PTPRD: variants seen among roughly 807,000 people sequenced by gnomAD.
The protein encoded by PTPRD is protein tyrosine phosphatase receptor type D, also known as receptor-type tyrosine-protein phosphatase delta.
A neutral mutation model predicts 214.5 loss-of-function variants in PTPRD; 34 were observed. The observed-to-expected ratio is 0.16, with a 90% CI of 0.12 to 0.21. PTPRD has a LOEUF of 0.21. Among genes scored for constraint, PTPRD ranks in the 10% least tolerant of loss-of-function variants. The pLI is 1.00. For missense variants in PTPRD, 2,545 were observed against 2,398.7 expected (o/e 1.06, Z -1.27); for synonymous variants, 1,128 against 845.7 (o/e 1.33, Z -5.79).
chr9:8,853,112 G>C (rs560115355), intron 11 of PTPRD, among the ~76,000 whole-genome samples: 62 of 152,300 alleles, frequency 4.1e-4, no homozygotes, highest in East Asian at 4.1e-3. Context: ...AGGGGGAAAT[G>C]AGAGACACAG....
chr9:9,286,873 A>AATATATATAT (rs34631864), intron 9 of PTPRD, among the ~76,000 whole-genome samples: 15 of 77,088 alleles, frequency 1.9e-4, no homozygotes, highest in South Asian at 4.9e-4. Flanking sequence ...GAAACTACTG[A>AATATATATAT]ATATATATAT....
chr9:9,618,439 C>G (rs1258426481), intron 7 of PTPRD, among the ~76,000 whole-genome samples: 2 of 151,864 alleles, frequency 1.3e-5, no homozygotes, highest in African/African-American at 4.8e-5. Context: ...CAGCAATTGG[C>G]TTTGCCAAAT....
rs560274418 is a variant in PTPRD at position 8,657,488 on chromosome 9, G to A, written c.65-20644C>T. Among the ~76,000 whole-genome samples the A allele has an allele frequency of 1.2e-4, 18 of 152,142 alleles. No homozygotes were observed. In the East Asian group the frequency reaches 3.3e-3, roughly 28 times the overall value. On this transcript the variant is annotated intron_variant, in intron 12 of 45. Transcript: ENST00000381196. ...CCGGCCTGCCCACTTTTTAATAGTG[G>A]TTTTTTCTTCTTGTAAATTTGTTTA...
chr9:8,445,792 C>T (rs1388434910), intron 34 of PTPRD, among the ~76,000 whole-genome samples: 1 of 152,146 alleles, frequency 6.6e-6, no homozygotes. Context: ...AATAGTTTTT[C>T]AGAAGGGGCT....
intron 8 of PTPRD, among the ~76,000 whole-genome samples, chr9:9,432,695 T>C (rs2083671848): frequency 6.6e-6 from 1 of 152,202 alleles, no homozygotes; most frequent in Non-Finnish European, 1.5e-5. Context: ...GATTTCACAA[T>C]GCTAAGCAAT....
intron 2 of PTPRD, among the ~76,000 whole-genome samples, chr9:10,478,147 G>GA (rs34422100): frequency 0.1 from 14,609 of 146,424 alleles, 1,493 homozygotes; most frequent in East Asian, 0.44. Flanking sequence ...AAGTAAAATG[G>GA]AAAAAAAAAA....
At chr9:8,663,627 G>A (rs1489670523) in intron 12 of PTPRD, among the ~76,000 whole-genome samples, 2 of 151,914 alleles carry the variant, frequency 1.3e-5, no homozygotes, top group Non-Finnish European at 2.9e-5. Flanking sequence ...AAGTAGCTGG[G>A]GTTACAGGCA....
intron 27 of PTPRD, among the ~76,000 whole-genome samples, chr9:8,487,859 AC>A (rs2097061947): frequency 6.7e-6 from 1 of 149,974 alleles, no homozygotes; most frequent in Non-Finnish European, 1.5e-5. Context: ...ACATAGCAAG[AC>A]CTTATCTCTA....
chr9:8,776,917 T>A (rs1307974230), intron 11 of PTPRD, among the ~76,000 whole-genome samples: 1 of 80,908 alleles, frequency 1.2e-5, no homozygotes, highest in African/African-American at 5.3e-5. Context: ...ATAATATATG[T>A]ATAATATATA....
chr9:8,619,476 T>G (rs1425344286), intron 14 of PTPRD, among the ~76,000 whole-genome samples: 1 of 151,876 alleles, frequency 6.6e-6, no homozygotes, highest in Non-Finnish European at 1.5e-5. Context: ...CTTATTTCAA[T>G]TACCATAATA....
intron 7 of PTPRD, among the ~76,000 whole-genome samples, chr9:9,687,647 G>T (rs1456488408): frequency 6.6e-6 from 1 of 151,016 alleles, no homozygotes; most frequent in African/African-American, 2.4e-5. Context: ...AAAAAAAAAA[G>T]ATTATGCAAT....
chr9:8,453,870 G>C (rs1280533096), intron 33 of PTPRD, among the ~76,000 whole-genome samples: 1 of 152,084 alleles, frequency 6.6e-6, no homozygotes, highest in Admixed American at 6.5e-5. Context: ...GGAAACCACT[G>C]GAATATGGCA....
At chr9:8,621,688 A>T (rs2095831437) in intron 14 of PTPRD, among the ~76,000 whole-genome samples, 1 of 151,742 alleles carries the variant, frequency 6.6e-6, no homozygotes, top group Non-Finnish European at 1.5e-5. Context: ...CATCTTTGCA[A>T]CTAAGATTAA....
intron 3 of PTPRD, among the ~76,000 whole-genome samples, chr9:10,326,147 G>T (rs1050280136): frequency 6.6e-6 from 1 of 151,630 alleles, no homozygotes; most frequent in Non-Finnish European, 1.5e-5. Flanking sequence ...TACCATATTT[G>T]ATTGGACAAT....
intron 11 of PTPRD, among the ~76,000 whole-genome samples, chr9:8,772,161 A>G (rs936007533): frequency 2.0e-5 from 3 of 151,698 alleles, no homozygotes; most frequent in African/African-American, 7.3e-5. Context: ...CAACAACAAC[A>G]CAGATTTTGA....
At chr9:9,001,694 A>G (rs2099419083) in intron 11 of PTPRD, among the ~76,000 whole-genome samples, 2 of 152,006 alleles carry the variant, frequency 1.3e-5, no homozygotes, top group Admixed American at 1.3e-4. Flanking sequence ...TTGCTGCTCT[A>G]GGAAAAATAC....
At chr9:10,060,268 T>A (rs958232853) in intron 3 of PTPRD, among the ~76,000 whole-genome samples, 1 of 151,998 alleles carries the variant, frequency 6.6e-6, no homozygotes. Flanking sequence ...TAAAAGAATA[T>A]TTTTAAAAAA....
intron 35 of PTPRD, among the ~76,000 whole-genome samples, chr9:8,433,751 T>A (rs2095212642): frequency 6.6e-6 from 1 of 152,188 alleles, no homozygotes; most frequent in African/African-American, 2.4e-5. Flanking sequence ...TCAAAAAGTT[T>A]AAAAATTTTA....
At chr9:10,487,373 T>G (rs1320643862) in intron 2 of PTPRD, among the ~76,000 whole-genome samples, 1 of 152,204 alleles carries the variant, frequency 6.6e-6, no homozygotes, top group Non-Finnish European at 1.5e-5. Flanking sequence ...TTCTCTTCCT[T>G]CTTTCTTCCC....
Sources: allele counts gnomAD v4.1 joint callset (sites outside exome capture counted in the v4.1 genomes callset), GRCh38; gene constraint gnomAD v4.1.1; transcripts MANE v1.5; gene names NCBI Gene and HGNC (gene_info 2026-07-23, HGNC 2026-07-21).